PRRC2C: variants seen among roughly 807,000 people sequenced by gnomAD.
PRRC2C encodes the protein protein PRRC2C.
A neutral mutation model predicts 317.2 loss-of-function variants in PRRC2C; 72 were observed. That is an observed-to-expected ratio of 0.23 (90% CI 0.19 to 0.28). The LOEUF (loss-of-function observed/expected upper bound fraction) is 0.28, where lower values mean the gene tolerates loss of function less well. PRRC2C is among the 10% of genes least tolerant of loss of function. The probability of loss-of-function intolerance (pLI) is 1.00; values close to 1 mark genes in which losing one functional copy is unlikely to be tolerated. For missense variants in PRRC2C, 3,074 were observed against 3,459.7 expected (o/e 0.89, Z 2.80); for synonymous variants, 1,296 against 1,205.9 (o/e 1.07, Z -1.55).
At chr1:171,548,458 C>T (rs773456840) in intron 17 of PRRC2C, among the ~76,000 whole-genome samples, 1 of 152,170 alleles carries the variant, frequency 6.6e-6, no homozygotes, top group Non-Finnish European at 1.5e-5. Flanking sequence ...CAAGTTATCA[C>T]CATCCTGAAT....
intron 1 of PRRC2C, among the ~76,000 whole-genome samples, chr1:171,490,235 A>G (rs1191155710): frequency 6.6e-6 from 1 of 152,182 alleles, no homozygotes; most frequent in African/African-American, 2.4e-5. Flanking sequence ...GGAAATTTTT[A>G]TGATTATTTG....
intron 10 of PRRC2C, among the ~76,000 whole-genome samples, chr1:171,526,525 C>T (rs1180163715): frequency 6.6e-6 from 1 of 152,022 alleles, no homozygotes; most frequent in African/African-American, 2.4e-5. Flanking sequence ...TTTAATAGGG[C>T]TGGGGTTTCC....
rs1414744292 is a variant in PRRC2C at position 171,535,548 on chromosome 1, A to G, written c.1994A>G (p.Tyr665Cys). Residue 665 changes from tyrosine (Y) to cysteine (C), a missense_variant, in exon 13 of 35, where the codon TAT (tyrosine) becomes TGT (cysteine). By Grantham distance (194) the Tyr-to-Cys change is radical. Transcript: ENST00000647382. ...CCTCGGCCGGCTGTATTATCTGGCT[A>G]TTTCAAACAGTTTCAGAAGTCTTTA... The part of the protein sequence containing the change: ...SQPRPAVLSG[Y>C]FKQFQKSLPP... The G allele has an allele frequency of 5.0e-6, 8 of 1,613,896 alleles. No homozygotes were observed. Among genetic ancestry groups the G allele is most frequent in the African/African-American group, 4.0e-5 (3 of 74,934 alleles).
intron 2 of PRRC2C, chr1:171,512,662 C>A: frequency 4.1e-6 from 1 of 242,002 alleles, no homozygotes; most frequent in Non-Finnish European, 8.0e-6. Flanking sequence ...TCTTTATGAA[C>A]ATACAGTCAA....
chr1:171,527,682 G>GGTTGCA, intron 10 of PRRC2C, 109 bp from the exon 11 acceptor site: 1 of 840,670 alleles, frequency 1.2e-6, no homozygotes, highest in Non-Finnish European at 1.9e-6. Context: ...CTTGGCCCCG[G>GGTTGCA]GAGACAGAGG....
At chr1:171,567,615 C>T (rs1683927420) in intron 22 of PRRC2C, among the ~76,000 whole-genome samples, 1 of 152,178 alleles carries the variant, frequency 6.6e-6, no homozygotes, top group Non-Finnish European at 1.5e-5. Flanking sequence ...ATTGCAACAA[C>T]TAAGATCTTG....
intron 19 of PRRC2C, 96 bp downstream of exon 19, chr1:171,558,239 C>A: frequency 7.4e-7 from 1 of 1,348,138 alleles, no homozygotes; most frequent in East Asian, 2.7e-5. Flanking sequence ...TGTTTTCTAG[C>A]CATCTCATTT....
intron 33 of PRRC2C, 48 bp from the exon 34 acceptor site, chr1:171,589,321 T>G (rs954468665): frequency 1.4e-5 from 10 of 710,154 alleles, no homozygotes; most frequent in African/African-American, 5.7e-5. Context: ...TTTTTTTTTT[T>G]TTTTTTTTTA....
In PRRC2C at chr1:171,541,483, A is replaced by G. The variant is rs373465094; in HGVS notation, c.4017A>G (p.Gly1339=). 59 of 1,613,746 alleles carry G rather than the reference A, an allele frequency of 3.7e-5. No individual in the cohort carries two copies. In the African/African-American group the frequency reaches 7.1e-4, roughly 19 times the overall value. ...DKAKPGFLPK[G]EPTRRGRGGT... ...CTAAACCAGGCTTTCTTCCTAAAGGAGAGCCTACAAGGAGAGGCAGAGGGG... is the reference window on the plus strand; with the variant it reads ...CTAAACCAGGCTTTCTTCCTAAAGGGGAGCCTACAAGGAGAGGCAGAGGGG... Residue 1339 remains glycine, a synonymous_variant, in exon 16 of 35, where the codon GGA becomes GGG. Transcript: ENST00000647382. The surrounding 1 kb of genome is among the most constrained non-coding windows in gnomAD (Gnocchi z 4.1).
chr1:171,562,886 A>G (rs1292177197), intron 20 of PRRC2C, among the ~76,000 whole-genome samples: 4 of 152,178 alleles, frequency 2.6e-5, no homozygotes, highest in Non-Finnish European at 5.9e-5. Flanking sequence ...AGGAAAGAGA[A>G]TCAAAAATTA....
chr1:171,554,621 A>G (rs972096980), intron 18 of PRRC2C, among the ~76,000 whole-genome samples: 2 of 152,088 alleles, frequency 1.3e-5, no homozygotes, highest in African/African-American at 2.4e-5. Flanking sequence ...CTTGCTTTCC[A>G]TGTTTAGTGT....
At chr1:171,512,535 A>G (rs908841549) in intron 2 of PRRC2C, 8 of 281,008 alleles carry the variant, frequency 2.8e-5, no homozygotes, top group Non-Finnish European at 4.9e-5. Context: ...CTTTTTAATT[A>G]TAGACTAGAG....
intron 1 of PRRC2C, among the ~76,000 whole-genome samples, chr1:171,493,500 TAATA>T (rs1483297869): frequency 2.0e-5 from 3 of 151,924 alleles, no homozygotes; most frequent in Non-Finnish European, 4.4e-5. Flanking sequence ...AAAAGGAAAA[TAATA>T]AATAAAGGTT....
At chr1:171,539,909 A>G in intron 15 of PRRC2C, 62 bp from the exon 16 acceptor site, 5 of 1,333,664 alleles carry the variant, frequency 3.7e-6, no homozygotes, top group Admixed American at 2.2e-5. Flanking sequence ...TTATTTTGCT[A>G]TATACTTACG....
At chr1:171,522,411 TATAAG>T (rs753383841) in intron 7 of PRRC2C, 152 bp downstream of exon 7, 75 of 425,376 alleles carry the variant, frequency 1.8e-4, no homozygotes, top group Middle Eastern at 4.6e-4. Flanking sequence ...GGCTAACTCT[TATAAG>T]ACAGAACAGA....
intron 1 of PRRC2C, among the ~76,000 whole-genome samples, chr1:171,494,423 A>G (rs892067308): frequency 5.9e-5 from 9 of 152,276 alleles, no homozygotes; most frequent in African/African-American, 2.2e-4. Flanking sequence ...AGAATTCAAC[A>G]TATGGTGGTA....
At chr1:171,581,748 G>A (rs1296942744) in intron 28 of PRRC2C, among the ~76,000 whole-genome samples, 2 of 152,148 alleles carry the variant, frequency 1.3e-5, no homozygotes, top group Non-Finnish European at 2.9e-5. Flanking sequence ...TTATAAGTAG[G>A]TATTGTAAAG....
intron 4 of PRRC2C, among the ~76,000 whole-genome samples, chr1:171,514,885 A>G (rs933915144): frequency 1.3e-5 from 2 of 152,234 alleles, no homozygotes; most frequent in Non-Finnish European, 2.9e-5. Context: ...CCTGTGCCCC[A>G]CATCATTTTA....
Position 171,532,918 on chromosome 1 carries a change from G to T in PRRC2C, c.1830G>T (p.Glu610Asp), listed in dbSNP as rs188440691. The T allele has an allele frequency of 6.4e-7, 1 of 1,567,550 alleles. No homozygotes were observed. Among genetic ancestry groups the T allele is most frequent in the East Asian group, 2.3e-5 (1 of 44,426 alleles). ...EKIEPREPNLEPMVEKQESEN... is the reference protein window; with the variant it reads ...EKIEPREPNLDPMVEKQESEN... ...TTGAACCCAGAGAACCTAATTTAGAGCCCATGGTAGAAAAACAAGAAAGTG... is the reference window on the plus strand; with the variant it reads ...TTGAACCCAGAGAACCTAATTTAGATCCCATGGTAGAAAAACAAGAAAGTG... The change falls in exon 12 of 35, where the codon GAG becomes GAT. Residue 610 changes from glutamate to aspartate, a missense_variant. Around this residue, in one of 11 missense-constraint regions of PRRC2C, gnomAD observed 1,320 missense variants for 1,395.7 expected, o/e 0.95. Coordinates refer to ENST00000647382, the MANE Select transcript of PRRC2C (RefSeq NM_001387844.1).
Sources: gnomAD v4.1 joint callset for allele counts (sites outside exome capture counted in the v4.1 genomes callset) on GRCh38, gnomAD v4.1.1 for gene constraint, gnomAD v4.1.1 regional missense constraint, Gnocchi (gnomAD v3.1) non-coding constraint, MANE v1.5 for transcripts, NCBI Gene and HGNC (gene_info 2026-07-23, HGNC 2026-07-21) for gene names.